The following DLG2 variants were observed in gnomAD, a reference collection of about 807,000 sequenced individuals.
DLG2 encodes the protein disks large homolog 2.
DLG2 carries 45 observed loss-of-function variants against 132.5 expected under a neutral mutation model. The ratio of observed to expected loss-of-function variants is 0.34; its 90% CI spans 0.27 to 0.44. The LOEUF (loss-of-function observed/expected upper bound fraction) is 0.44. Ranked by LOEUF, DLG2 falls within the 20% of genes least tolerant of loss-of-function variation. The pLI is 1.00. For missense variants in DLG2, 1,045 were observed against 1,196.9 expected (o/e 0.87, Z 1.87); for synonymous variants, 424 against 419.6 (o/e 1.01, Z -0.13).
At chr11:85,238,751 A>G (rs1447972644) in intron 4 of DLG2, among the ~76,000 whole-genome samples, 2 of 152,032 alleles carry the variant, frequency 1.3e-5, no homozygotes, top group Non-Finnish European at 2.9e-5. Flanking sequence ...TTTCAATAAG[A>G]TAGAAAAAAG....
chr11:85,360,735 C>T (rs993441964), intron 3 of DLG2, among the ~76,000 whole-genome samples: 1 of 152,156 alleles, frequency 6.6e-6, no homozygotes, highest in African/African-American at 2.4e-5. Context: ...AGTGTCCTCC[C>T]CTTCTCCCAA....
chr11:84,414,560 C>G (rs2098922290), intron 7 of DLG2, among the ~76,000 whole-genome samples: 1 of 152,084 alleles, frequency 6.6e-6, no homozygotes, highest in Admixed American at 6.6e-5. Context: ...GAACGTTTTC[C>G]TCCCTAGATT....
In DLG2 at chr11:83,877,415, T is replaced by G. The variant is rs186101834; in HGVS notation, c.1497-2927A>C. ...CTCAATTATGGTCACTAACCAAGAT[T>G]AATAAGTAACTGTAATTTCTGATAG... On this transcript the variant is annotated intron_variant, in intron 15 of 27. Transcript: ENST00000376104. Among the ~76,000 whole-genome samples the G allele has an allele frequency of 4.2e-3, 642 of 152,260 alleles. 5 individuals are homozygous for G. The highest frequency in any genetic ancestry group is 0.015 in the African/African-American group (613 of 41,568).
chr11:84,994,737 T>C (rs1467509910), intron 6 of DLG2, among the ~76,000 whole-genome samples: 1 of 152,022 alleles, frequency 6.6e-6, no homozygotes, highest in Non-Finnish European at 1.5e-5. Context: ...GAGGAGAGCA[T>C]TTTCATCTCC....
In DLG2 at chr11:84,566,334, C is replaced by T. The variant is rs188145092; in HGVS notation, c.358-31603G>A. 1.4e-4 allele frequency among the ~76,000 whole-genome samples: 21 copies of T among 152,208 alleles called. No homozygotes were observed. The East Asian group carries it at 4.1e-3, about 29-fold the overall frequency. On this transcript the variant is annotated intron_variant, in intron 6 of 27. Transcript: ENST00000376104. ...TCAAGTAGAGTCAGAAGCTCTTTCC[C>T]AGATACATACTATTGGTTTTAACTT...
intron 3 of DLG2, among the ~76,000 whole-genome samples, chr11:85,537,364 C>T (rs112449896): frequency 1.3e-3 from 203 of 152,298 alleles, no homozygotes; most frequent in Non-Finnish European, 1.5e-3. Context: ...TTTCACTCTT[C>T]GCAATAAATC....
intron 6 of DLG2, among the ~76,000 whole-genome samples, chr11:84,711,239 C>A (rs75226756): frequency 1.6e-3 from 239 of 150,334 alleles, no homozygotes; most frequent in African/African-American, 5.4e-3. Flanking sequence ...CCTTACTAGA[C>A]AAGAATGGCC....
intron 14 of DLG2, among the ~76,000 whole-genome samples, chr11:83,953,723 T>C (rs2086081454): frequency 6.6e-6 from 1 of 152,204 alleles, no homozygotes; most frequent in African/African-American, 2.4e-5. Context: ...AATAAACTCC[T>C]AGAAGAACAG....
chr11:84,586,639 T>A (rs1007275213), intron 6 of DLG2, among the ~76,000 whole-genome samples: 3 of 152,164 alleles, frequency 2.0e-5, no homozygotes, highest in Non-Finnish European at 4.4e-5. Context: ...GAAACTATTT[T>A]TCTATATTAT....
intron 7 of DLG2, among the ~76,000 whole-genome samples, chr11:84,276,736 C>A (rs925118782): frequency 2.0e-5 from 3 of 152,260 alleles, no homozygotes; most frequent in South Asian, 4.1e-4. Flanking sequence ...CCTCAGAATA[C>A]CTAACGGTAC....
At chr11:85,450,052 A>T (rs2092177402) in intron 3 of DLG2, among the ~76,000 whole-genome samples, 1 of 152,106 alleles carries the variant, frequency 6.6e-6, no homozygotes, top group Non-Finnish European at 1.5e-5. Context: ...GCTTGAACCC[A>T]GGAGGCAGAG....
intron 3 of DLG2, chr11:85,469,232 A>G (rs1565538384): frequency 6.6e-6 from 1 of 152,144 alleles, no homozygotes; most frequent in Non-Finnish European, 1.5e-5. Flanking sequence ...AAGAGCTATC[A>G]TTTCTCACTT....
chr11:84,168,410 T>C (rs900452172), intron 8 of DLG2, among the ~76,000 whole-genome samples: 2 of 152,208 alleles, frequency 1.3e-5, no homozygotes, highest in Admixed American at 6.5e-5. Context: ...ATACCTCTGA[T>C]TATTATTGTT....
chr11:83,991,021 A>G (rs1175851772), intron 11 of DLG2, among the ~76,000 whole-genome samples: 3 of 152,204 alleles, frequency 2.0e-5, no homozygotes, highest in African/African-American at 7.2e-5. Flanking sequence ...GAACTGGTCT[A>G]CACTGATGAG....
intron 6 of DLG2, among the ~76,000 whole-genome samples, chr11:84,548,894 T>A (rs1164341772): frequency 1.3e-5 from 2 of 152,200 alleles, no homozygotes; most frequent in Non-Finnish European, 2.9e-5. Flanking sequence ...TATACTAATA[T>A]GTTGACCATG....
intron 17 of DLG2, among the ~76,000 whole-genome samples, chr11:83,821,547 G>T (rs118166275): frequency 6.6e-6 from 1 of 152,112 alleles, no homozygotes; most frequent in Non-Finnish European, 1.5e-5. Flanking sequence ...TAAGCTATCA[G>T]CCCCTGAAGG....
intron 6 of DLG2, among the ~76,000 whole-genome samples, chr11:85,035,035 C>A (rs993443032): frequency 6.6e-6 from 1 of 151,998 alleles, no homozygotes; most frequent in Non-Finnish European, 1.5e-5. Context: ...CTTTTTATGT[C>A]CCTCACAAAA....
intron 6 of DLG2, among the ~76,000 whole-genome samples, chr11:84,593,731 G>A (rs772239913): frequency 6.6e-6 from 1 of 152,040 alleles, no homozygotes; most frequent in Non-Finnish European, 1.5e-5. Flanking sequence ...AACCACCATG[G>A]CACGAGTATA....
intron 18 of DLG2, among the ~76,000 whole-genome samples, chr11:83,759,610 T>C (rs1270267827): frequency 6.6e-6 from 1 of 152,210 alleles, no homozygotes; most frequent in Non-Finnish European, 1.5e-5. Context: ...GCGGCTGTCA[T>C]ACCACCCTAC....
Sources: gnomAD v4.1 joint callset for allele counts (sites outside exome capture counted in the v4.1 genomes callset) on GRCh38, gnomAD v4.1.1 for gene constraint, MANE v1.5 for transcripts, NCBI Gene and HGNC (gene_info 2026-07-23, HGNC 2026-07-21) for gene names.